The following ZBTB7C variants were observed in gnomAD, a reference collection of about 807,000 sequenced individuals.
ZBTB7C encodes zinc finger and BTB domain-containing protein 7C.
In ZBTB7C, 8 loss-of-function variants were observed where a neutral mutation model predicts 25.7. The observed-to-expected ratio is 0.31, with a 90% CI of 0.18 to 0.56. ZBTB7C has a LOEUF of 0.56. Ranked by LOEUF, ZBTB7C falls within the 20% of genes least tolerant of loss-of-function variation. The pLI, the probability that ZBTB7C is intolerant of heterozygous loss-of-function variation, is 0.91. For missense variants in ZBTB7C, 824 were observed against 855.2 expected (o/e 0.96, Z 0.46); for synonymous variants, 394 against 369.0 (o/e 1.07, Z -0.78).
intron 3 of ZBTB7C, among the ~76,000 whole-genome samples, chr18:48,051,245 C>T (rs531373296): frequency 4.6e-5 from 7 of 152,266 alleles, no homozygotes; most frequent in East Asian, 1.9e-4. Context: ...TGAAGGGTAC[C>T]GAAGAGCGTA....
chr18:48,177,494 C>T (rs902632451), intron 3 of ZBTB7C, among the ~76,000 whole-genome samples: 5 of 152,146 alleles, frequency 3.3e-5, no homozygotes, highest in Non-Finnish European at 7.4e-5. Context: ...CATTTTGTGA[C>T]AGTGCCATCA....
chr18:48,409,488 G>GC (rs1260607292), upstream of ZBTB7C: 1 of 146,268 alleles, frequency 6.8e-6, no homozygotes, highest in Non-Finnish European at 1.5e-5. Context: ...TCAGCCCCGC[G>GC]CCCCGCGCCC....
intron 3 of ZBTB7C, among the ~76,000 whole-genome samples, chr18:48,101,462 A>C (rs2038828146): frequency 6.6e-6 from 1 of 152,226 alleles, no homozygotes; most frequent in Non-Finnish European, 1.5e-5. Context: ...ATGATTAGTG[A>C]GACATTTGAT....
intron 2 of ZBTB7C, among the ~76,000 whole-genome samples, chr18:48,190,133 T>C (rs1436346486): frequency 6.6e-6 from 1 of 152,194 alleles, no homozygotes; most frequent in Non-Finnish European, 1.5e-5. Flanking sequence ...GGGCAGATGC[T>C]GGGAAGGTGG....
chr18:48,225,258 AAGAGGGAGAGAAAAGGG>A (rs1001401892), intron 2 of ZBTB7C, among the ~76,000 whole-genome samples: 46 of 152,024 alleles, frequency 3.0e-4, no homozygotes, highest in Non-Finnish European at 5.9e-4. Context: ...GAAGAGGTAA[AAGAGGGAGAGAAAAGGG>A]AGAGGGAGAG....
At chr18:48,336,175 A>C (rs2144939518) in intron 2 of ZBTB7C, among the ~76,000 whole-genome samples, 1 of 152,260 alleles carries the variant, frequency 6.6e-6, no homozygotes, top group Admixed American at 6.5e-5. Flanking sequence ...ACCATTTCCG[A>C]GTGGTAGGGT....
At chr18:48,296,843 G>A (rs2045407159) in intron 2 of ZBTB7C, among the ~76,000 whole-genome samples, 1 of 152,168 alleles carries the variant, frequency 6.6e-6, no homozygotes, top group Non-Finnish European at 1.5e-5. Context: ...AGTCTCACAG[G>A]AGCGCGAACT....
At chr18:48,298,538 T>C (rs552578653) in intron 2 of ZBTB7C, among the ~76,000 whole-genome samples, 180 of 152,270 alleles carry the variant, frequency 1.2e-3, no homozygotes, top group Non-Finnish European at 1.8e-3. Flanking sequence ...AGCTGCTCTG[T>C]CCCCACAGTT....
At chr18:48,261,172 A>G (rs572732214) in intron 2 of ZBTB7C, among the ~76,000 whole-genome samples, 1 of 152,288 alleles carries the variant, frequency 6.6e-6, no homozygotes, top group African/African-American at 2.4e-5. Context: ...GGTTCCTAAG[A>G]TTGAATGTGT....
intron 2 of ZBTB7C, among the ~76,000 whole-genome samples, chr18:48,213,876 A>G (rs552159141): frequency 6.6e-6 from 1 of 152,348 alleles, no homozygotes. Context: ...AGGTGGTTCC[A>G]TGGAGCTGTC....
At chr18:48,198,033 A>C (rs1286281095) in intron 2 of ZBTB7C, among the ~76,000 whole-genome samples, 1 of 152,182 alleles carries the variant, frequency 6.6e-6, no homozygotes, top group Non-Finnish European at 1.5e-5. Flanking sequence ...GTGATGAGGT[A>C]GATATGATTC....
chr18:48,161,694 C>G (rs987240173), intron 3 of ZBTB7C, among the ~76,000 whole-genome samples: 2 of 151,532 alleles, frequency 1.3e-5, no homozygotes, highest in Admixed American at 1.3e-4. Flanking sequence ...CTCGGCTGCC[C>G]GGCCCGGCCC....
chr18:48,101,806 G>C (rs1275210904), intron 3 of ZBTB7C, among the ~76,000 whole-genome samples: 1 of 152,136 alleles, frequency 6.6e-6, no homozygotes, highest in Non-Finnish European at 1.5e-5. Context: ...TCTAAATTCA[G>C]TGTGCCCTAC....
At chr18:48,339,227 G>A (rs2046534733) in intron 1 of ZBTB7C, among the ~76,000 whole-genome samples, 1 of 152,222 alleles carries the variant, frequency 6.6e-6, no homozygotes, top group East Asian at 1.9e-4. Context: ...GGGGTGAAAA[G>A]AGTAGGCTCC....
intron 2 of ZBTB7C, among the ~76,000 whole-genome samples, chr18:48,202,200 T>C (rs1190586154): frequency 1.3e-5 from 2 of 152,102 alleles, no homozygotes; most frequent in East Asian, 1.9e-4. Context: ...AGGCAGGACA[T>C]GGACATTGCC....
At chr18:48,398,877 G>A (rs528794543) in intron 1 of ZBTB7C, among the ~76,000 whole-genome samples, 4 of 152,270 alleles carry the variant, frequency 2.6e-5, no homozygotes, top group Admixed American at 2.6e-4. Context: ...AAACAATTAA[G>A]CAATTTTATC....
At chr18:48,086,969 CAT>C (rs1266399166) in intron 3 of ZBTB7C, among the ~76,000 whole-genome samples, 1 of 152,164 alleles carries the variant, frequency 6.6e-6, no homozygotes, top group Non-Finnish European at 1.5e-5. Context: ...AAAGGGTTAA[CAT>C]ATATTGTTTT....
chr18:48,340,303 T>C (rs2046568424), intron 1 of ZBTB7C, among the ~76,000 whole-genome samples: 1 of 152,228 alleles, frequency 6.6e-6, no homozygotes, highest in Non-Finnish European at 1.5e-5. Flanking sequence ...AGCAGATCCA[T>C]AGAGTTTGGC....
At chr18:48,138,837 G>A (rs2040253323) in intron 3 of ZBTB7C, among the ~76,000 whole-genome samples, 1 of 152,194 alleles carries the variant, frequency 6.6e-6, no homozygotes, top group Non-Finnish European at 1.5e-5. Flanking sequence ...AGGAGGTAAA[G>A]GTGCCAACAC....
Sources: allele counts gnomAD v4.1 joint callset (sites outside exome capture counted in the v4.1 genomes callset), GRCh38; gene constraint gnomAD v4.1.1; transcripts MANE v1.5; gene names NCBI Gene and HGNC (gene_info 2026-07-23, HGNC 2026-07-21).